Variants in EPB41 observed in about 807,000 individuals in gnomAD.
EPB41 encodes the protein protein 4.1.
Under a neutral mutation model 108.0 loss-of-function variants are expected in EPB41, and 65 were observed. The observed-to-expected ratio is 0.60, with a 90% CI of 0.49 to 0.74. The LOEUF is 0.74. Among genes scored for constraint, EPB41 ranks in the 30% least tolerant of loss-of-function variants. The pLI, the probability that EPB41 is intolerant of heterozygous loss-of-function variation, is 0.00. For synonymous variants in EPB41, 336 were observed against 358.9 expected (o/e 0.94, Z 0.72); for missense variants, 875 against 1,037.0 (o/e 0.84, Z 2.15).
chr1:28,964,619 AAAT>A (rs1198683080), intron 1 of EPB41, among the ~76,000 whole-genome samples: 1 of 151,586 alleles, frequency 6.6e-6, no homozygotes, highest in African/African-American at 2.4e-5. Context: ...ATAAATAAAT[AAAT>A]AAATAAAATA....
chr1:28,946,270 A>G (rs1571154974), intron 1 of EPB41, among the ~76,000 whole-genome samples: 1 of 151,454 alleles, frequency 6.6e-6, no homozygotes, highest in Admixed American at 6.6e-5. Flanking sequence ...ATTTCGGCTC[A>G]CTGCAACCTT....
In EPB41 at chr1:29,035,897, CTG is replaced by C; in HGVS notation, c.1441_1442del (p.Val481ArgfsTer40). 4 of 1,613,428 alleles carry C rather than the reference CTG, an allele frequency of 2.5e-6. No homozygotes were observed. The highest frequency in any genetic ancestry group is 3.4e-6 in the Non-Finnish European group (4 of 1,179,372). On this transcript the variant is annotated frameshift_variant, in exon 10 of 21. Transcript: ENST00000343067. LOFTEE classifies it high-confidence loss of function. ...GAGCAGCTAAGAAATTATGGAAAGT[CTG>C]TGTAGAACATCACACGTTTTTCAGG... is the stretch of plus-strand genomic sequence containing the variant. ...YRAAKKLWKV[C>X]VEHHTFFRLT...
At chr1:28,923,821 TTG>T (rs201910154) in intron 1 of EPB41, among the ~76,000 whole-genome samples, 322 of 152,290 alleles carry the variant, frequency 2.1e-3, no homozygotes, top group African/African-American at 7.3e-3. Context: ...GCAAGTTTTT[TTG>T]TTTTATGTTT....
intron 1 of EPB41, among the ~76,000 whole-genome samples, chr1:28,956,938 G>T (rs1170864359): frequency 6.6e-6 from 1 of 152,200 alleles, no homozygotes; most frequent in Non-Finnish European, 1.5e-5. Context: ...TTTAGGAAAG[G>T]CTTCCTACAT....
At chr1:29,012,122 A>AT (rs78276641) in intron 5 of EPB41, among the ~76,000 whole-genome samples, 3,343 of 145,972 alleles carry the variant, frequency 0.023, 62 homozygotes, top group Non-Finnish European at 0.031. Flanking sequence ...GATTTTGTTG[A>AT]TTTTTTTTTT....
At chr1:29,068,549 G>A (rs184959476) in intron 16 of EPB41, among the ~76,000 whole-genome samples, 1 of 152,280 alleles carries the variant, frequency 6.6e-6, no homozygotes, top group Non-Finnish European at 1.5e-5. Flanking sequence ...ATGAATAGTG[G>A]AATAAATAAG....
intron 7 of EPB41, among the ~76,000 whole-genome samples, chr1:29,024,142 C>T (rs1363096805): frequency 3.3e-5 from 5 of 151,394 alleles, no homozygotes. Context: ...TGAGACCATC[C>T]TAGCCAACAT....
intron 4 of EPB41, among the ~76,000 whole-genome samples, chr1:28,999,090 G>T (rs1386478039): frequency 2.0e-5 from 3 of 152,058 alleles, no homozygotes; most frequent in Non-Finnish European, 2.9e-5. Flanking sequence ...CCATGAATTG[G>T]CGGGGTGTGG....
At chr1:29,008,261 C>T (rs1045502486) in intron 4 of EPB41, among the ~76,000 whole-genome samples, 1 of 152,156 alleles carries the variant, frequency 6.6e-6, no homozygotes, top group Non-Finnish European at 1.5e-5. Flanking sequence ...AGTCACAAAT[C>T]GTAATAGCTT....
At chr1:29,109,074 T>C (rs1668273698) in intron 17 of EPB41, among the ~76,000 whole-genome samples, 1 of 151,702 alleles carries the variant, frequency 6.6e-6, no homozygotes, top group African/African-American at 2.4e-5. Flanking sequence ...GGTGCATGCC[T>C]GTAATCCCAG....
At chr1:28,900,431 GCATGCACCAC>G (rs59500379) in intron 1 of EPB41, among the ~76,000 whole-genome samples, 75,495 of 151,324 alleles carry the variant, frequency 0.5, 20,865 homozygotes, top group East Asian at 0.78. Context: ...GGGGATATAA[GCATGCACCAC>G]CATGCTAGGC....
chr1:29,101,793 C>T (rs1013897068), intron 17 of EPB41, among the ~76,000 whole-genome samples: 3 of 152,050 alleles, frequency 2.0e-5, no homozygotes, highest in African/African-American at 4.8e-5. Context: ...CTCAGCTGCT[C>T]GGAAGGCTGA....
At chr1:29,096,151 G>T in intron 16 of EPB41, 1 of 985,666 alleles carries the variant, frequency 1.0e-6, no homozygotes, top group Non-Finnish European at 1.2e-6. Flanking sequence ...TCATTCATTT[G>T]TAGAGTATAA....
At chr1:29,078,637 A>G (rs1201696419) in intron 16 of EPB41, among the ~76,000 whole-genome samples, 1 of 152,124 alleles carries the variant, frequency 6.6e-6, no homozygotes, top group African/African-American at 2.4e-5. Flanking sequence ...AGTCCCAGCT[A>G]CACGGGAGCC....
chr1:28,985,701 C>A (rs2095856451), intron 1 of EPB41: 1 of 152,174 alleles, frequency 6.6e-6, no homozygotes, highest in South Asian at 2.1e-4. Context: ...GATAAAGTTA[C>A]TTCATTTAGG....
intron 1 of EPB41, among the ~76,000 whole-genome samples, chr1:28,929,751 C>T (rs906939994): frequency 5.4e-5 from 8 of 148,574 alleles, no homozygotes; most frequent in African/African-American, 2.0e-4. Flanking sequence ...GGCGGCTAGT[C>T]TCGAACTCCT....
At chr1:28,944,827 G>A (rs1027181993) in intron 1 of EPB41, among the ~76,000 whole-genome samples, 1 of 151,380 alleles carries the variant, frequency 6.6e-6, no homozygotes, top group African/African-American at 2.4e-5. Flanking sequence ...GTAATGTAAT[G>A]CCTGTAATCC....
At chr1:29,082,262 T>G (rs1657012891) in intron 16 of EPB41, among the ~76,000 whole-genome samples, 1 of 152,012 alleles carries the variant, frequency 6.6e-6, no homozygotes, top group Admixed American at 6.6e-5. Context: ...GTAGCTGGGA[T>G]TACAGACACC....
At chr1:28,935,269 C>T (rs977001878) in intron 1 of EPB41, among the ~76,000 whole-genome samples, 2 of 151,406 alleles carry the variant, frequency 1.3e-5, no homozygotes, top group Non-Finnish European at 2.9e-5. Flanking sequence ...TGTTTCTACA[C>T]AAAAATACAA....
Sources: gnomAD v4.1 joint callset for allele counts (sites outside exome capture counted in the v4.1 genomes callset) on GRCh38, gnomAD v4.1.1 for gene constraint, MANE v1.5 for transcripts, NCBI Gene and HGNC (gene_info 2026-07-23, HGNC 2026-07-21) for gene names.